The following MIA2 variants were observed in gnomAD, a reference collection of about 807,000 sequenced individuals.
MIA2 encodes melanoma inhibitory activity protein 2.
Under a neutral mutation model 167.8 loss-of-function variants are expected in MIA2, and 127 were observed. The observed-to-expected ratio is 0.76, with a 90% CI of 0.66 to 0.88. The LOEUF is 0.88. Ranked by LOEUF, MIA2 falls within the 40% of genes least tolerant of loss-of-function variation. The pLI is 0.00. For missense variants in MIA2, 1,690 were observed against 1,624.7 expected (o/e 1.04, Z -0.69); for synonymous variants, 552 against 541.9 (o/e 1.02, Z -0.26).
intron 9 of MIA2, among the ~76,000 whole-genome samples, chr14:39,287,061 T>G (rs1379195086): frequency 6.6e-6 from 1 of 151,648 alleles, no homozygotes; most frequent in Non-Finnish European, 1.5e-5. Flanking sequence ...GCTTTGATAG[T>G]ACTTCCAGTA....
At chr14:39,345,228 C>G (rs997594295) in intron 25 of MIA2, among the ~76,000 whole-genome samples, 1 of 152,016 alleles carries the variant, frequency 6.6e-6, no homozygotes. Flanking sequence ...TACAGACTAC[C>G]ATGCCTGGCT....
At chr14:39,386,955 C>G (rs1595975265) in exon 24 of MIA2, 1 of 783,808 alleles carries the variant, frequency 1.3e-6, no homozygotes, top group East Asian at 2.6e-5. Context: ...AGAAATGAAG[C>G]CGAAGCATTG....
intron 25 of MIA2, among the ~76,000 whole-genome samples, chr14:39,330,078 G>A (rs1217400008): frequency 6.6e-6 from 1 of 152,120 alleles, no homozygotes; most frequent in Non-Finnish European, 1.5e-5. Context: ...GGTAGAATTT[G>A]GCTGTGAATC....
chr14:39,318,635 A>C (rs2065898449), intron 22 of MIA2, among the ~76,000 whole-genome samples: 1 of 152,150 alleles, frequency 6.6e-6, no homozygotes, highest in African/African-American at 2.4e-5. Context: ...TAAATGTTTT[A>C]TATCTCATGA....
rs2053625586 is a variant in MIA2, at chr14:39,234,059, A to G, written c.-56A>G. ...ATCTCCAGTTTTGGCTGACATCTCT[A>G]CAACCTGAACAATTGGCTTAAACTT... On this transcript the variant is annotated 5_prime_UTR_variant, in exon 1 of 29. Coordinates refer to ENST00000640607, the MANE Select transcript of MIA2 (RefSeq NM_001329214.4). The G allele has an allele frequency of 6.9e-6, 8 of 1,160,026 alleles. No homozygotes were observed. In the South Asian group the frequency reaches 8.2e-5, roughly 12 times the overall value. 71.9% of individuals were successfully genotyped at this position (1,160,026 alleles called of 1,614,324 possible).
chr14:39,377,644 C>T (rs2075070178), intron 23 of MIA2, among the ~76,000 whole-genome samples: 1 of 152,036 alleles, frequency 6.6e-6, no homozygotes, highest in South Asian at 2.1e-4. Flanking sequence ...CCCAATTTTA[C>T]TTAAAATCAT....
At chr14:39,343,142 A>G (rs1296788464) in intron 25 of MIA2, among the ~76,000 whole-genome samples, 3 of 151,904 alleles carry the variant, frequency 2.0e-5, no homozygotes, top group Non-Finnish European at 4.4e-5. Flanking sequence ...TTTTGATCTT[A>G]TTTTCAATTT....
At chr14:39,326,161 C>G (rs934151600) in intron 24 of MIA2, among the ~76,000 whole-genome samples, 4 of 152,120 alleles carry the variant, frequency 2.6e-5, no homozygotes, top group African/African-American at 9.7e-5. Flanking sequence ...TTCAACAGTG[C>G]TGTTGTTTTT....
intron 23 of MIA2, among the ~76,000 whole-genome samples, chr14:39,359,994 T>G (rs1595939595): frequency 5.6e-4 from 1 of 1,778 alleles, no homozygotes; most frequent in Admixed American, 2.5e-3. Flanking sequence ...TGCAGCATGT[T>G]TTTTTTTTTT....
At chr14:39,361,015 A>G (rs1259877445) in intron 23 of MIA2, among the ~76,000 whole-genome samples, 10 of 152,110 alleles carry the variant, frequency 6.6e-5, no homozygotes, top group Admixed American at 1.3e-4. Context: ...CTGTGTGTCT[A>G]TTTTTATACC....
chr14:39,278,558 T>A (rs1393501341), intron 7 of MIA2, among the ~76,000 whole-genome samples: 1 of 152,224 alleles, frequency 6.6e-6, no homozygotes, highest in Non-Finnish European at 1.5e-5. Flanking sequence ...GGCTGATCCT[T>A]TTACAAATGA....
At chr14:39,269,083 T>TTTTTTTC in intron 6 of MIA2, 1 of 926,592 alleles carries the variant, frequency 1.1e-6, no homozygotes, top group Non-Finnish European at 1.3e-6. Context: ...AGTTTTTTTT[T>TTTTTTTC]TTTTTTTTTT....
chr14:39,247,583 C>A lies in MIA2; in HGVS notation c.1009C>A (p.Pro337Thr). 6.2e-7 allele frequency: 1 copy of A among 1,614,034 alleles called. No individual in the cohort carries two copies. The highest frequency in any genetic ancestry group is 8.5e-7 in the Non-Finnish European group (1 of 1,180,018). ...LELIAEESNP[P>T]LQDFPNSISS... ...ATTAATAGCTGAAGAAAGCAATCCA[C>A]CACTACAAGATTTTCCCAATTCCAT... The change falls in exon 4 of 29, where the codon CCA (proline) becomes ACA (threonine). Residue 337 changes from proline (P) to threonine (T), a missense_variant. Transcript: ENST00000640607.
chr14:39,381,667 GT>G (rs398057014), intron 23 of MIA2, among the ~76,000 whole-genome samples: 27,741 of 145,304 alleles, frequency 0.19, 2,625 homozygotes, highest in Middle Eastern at 0.28. Context: ...TTTGCTGGCT[GT>G]TTTTTTTTTT....
In MIA2 at chr14:39,248,096, G is replaced by A; in HGVS notation, c.1522G>A (p.Asp508Asn). 2 of 1,547,612 alleles carry A rather than the reference G, an allele frequency of 1.3e-6. No homozygotes were observed. Residue 508 changes from aspartate (D) to asparagine (N), a missense_variant, in exon 4 of 29, where the codon GAT becomes AAT. Coordinates refer to ENST00000640607, the MANE Select transcript of MIA2 (RefSeq NM_001329214.4). ...GEFSIDNYPTDNTKVMIFKSS... is the reference protein window; with the variant it reads ...GEFSIDNYPTNNTKVMIFKSS... ...ATTTTCCATTGATAATTATCCCACA[G>A]ATAATACAAAAGTTATGATATTCAA...
intron 20 of MIA2, chr14:39,315,336 C>T: frequency 5.5e-6 from 1 of 181,382 alleles, no homozygotes. Context: ...AATAAAATTG[C>T]CGTATCTCCT....
In MIA2 at chr14:39,381,394, A is replaced by C. The variant is rs184401935; in HGVS notation, c.2249-5491A>C. On this transcript the variant is annotated intron_variant, in intron 23 of 23. Transcript: ENST00000341502. ...GCTTTTAAGGTGACTTTCAACCATCAAACTGTTTAAAACATCCTTTTATAT... is the reference window on the plus strand; with the variant it reads ...GCTTTTAAGGTGACTTTCAACCATCCAACTGTTTAAAACATCCTTTTATAT... 4.1e-4 allele frequency among the ~76,000 whole-genome samples: 62 copies of C among 152,356 alleles called. No individual in the cohort carries two copies. In the East Asian group the frequency reaches 4.4e-3, roughly 11 times the overall value.
At chr14:39,328,522 A>C (rs929454109) in intron 25 of MIA2, among the ~76,000 whole-genome samples, 1 of 152,126 alleles carries the variant, frequency 6.6e-6, no homozygotes, top group Non-Finnish European at 1.5e-5. Flanking sequence ...TTGTTGTTTT[A>C]GTCATGAAGT....
chr14:39,318,360 G>A (rs2065862630), intron 22 of MIA2, among the ~76,000 whole-genome samples: 1 of 152,124 alleles, frequency 6.6e-6, no homozygotes, highest in Non-Finnish European at 1.5e-5. Flanking sequence ...TAATGGATAA[G>A]TAGATAGGAT....
Sources: gnomAD v4.1 joint callset for allele counts (sites outside exome capture counted in the v4.1 genomes callset) on GRCh38, gnomAD v4.1.1 for gene constraint, MANE v1.5 for transcripts, NCBI Gene and HGNC (gene_info 2026-07-23, HGNC 2026-07-21) for gene names.